The following PPP3CC variants were observed in gnomAD, a reference collection of about 807,000 sequenced individuals.
The protein encoded by PPP3CC is serine/threonine-protein phosphatase 2B catalytic subunit gamma isoform.
A neutral mutation model predicts 60.3 loss-of-function variants in PPP3CC; 35 were observed. That is an observed-to-expected ratio of 0.58 (90% CI 0.44 to 0.77). PPP3CC has a LOEUF of 0.77. Ranked by LOEUF, PPP3CC falls within the 30% of genes least tolerant of loss-of-function variation. PPP3CC has a pLI of 0.00. For missense variants in PPP3CC, 570 were observed against 628.9 expected (o/e 0.91, Z 1.00); for synonymous variants, 206 against 224.3 (o/e 0.92, Z 0.73).
chr8:22,458,561 G>C (rs1463662357), intron 1 of PPP3CC, among the ~76,000 whole-genome samples: 1 of 151,454 alleles, frequency 6.6e-6, no homozygotes, highest in Non-Finnish European at 1.5e-5. Context: ...TCATGCCACT[G>C]CATTCCAGCC....
chr8:22,530,683 T>G (rs186458562), intron 10 of PPP3CC, among the ~76,000 whole-genome samples: 1,828 of 151,320 alleles, frequency 0.012, 31 homozygotes, highest in African/African-American at 0.04. Context: ...ATACAAAAAT[T>G]AGCTGGGGTG....
intron 3 of PPP3CC, among the ~76,000 whole-genome samples, chr8:22,485,419 A>C (rs1453171550): frequency 6.6e-6 from 1 of 152,174 alleles, no homozygotes; most frequent in Non-Finnish European, 1.5e-5. Context: ...CCTTAATAGG[A>C]GATCCCTCAG....
intron 1 of PPP3CC, among the ~76,000 whole-genome samples, chr8:22,446,822 A>G (rs1213692936): frequency 3.3e-5 from 5 of 151,332 alleles, no homozygotes; most frequent in Admixed American, 6.6e-5. Flanking sequence ...AAAAAAAAAA[A>G]AAAAAAAAAA....
At chr8:22,451,925 G>A (rs920464161) in intron 1 of PPP3CC, among the ~76,000 whole-genome samples, 1 of 151,900 alleles carries the variant, frequency 6.6e-6, no homozygotes, top group African/African-American at 2.4e-5. Flanking sequence ...AAATTGAAAT[G>A]CTTCTGGTCC....
At chr8:22,498,536 TTTA>T (rs1382856173) in intron 4 of PPP3CC, among the ~76,000 whole-genome samples, 1 of 152,202 alleles carries the variant, frequency 6.6e-6, no homozygotes, top group African/African-American at 2.4e-5. Context: ...TCCATTCTTT[TTTA>T]TTATTATGAA....
At chr8:22,463,926 A>G (rs1837438726) in intron 1 of PPP3CC, among the ~76,000 whole-genome samples, 1 of 151,880 alleles carries the variant, frequency 6.6e-6, no homozygotes, top group South Asian at 2.1e-4. Flanking sequence ...AGCTGGGATT[A>G]CAGGTGTCCA....
intron 10 of PPP3CC, among the ~76,000 whole-genome samples, 173 bp downstream of exon 10, chr8:22,528,750 A>G (rs1316292720): frequency 6.6e-6 from 1 of 152,270 alleles, no homozygotes; most frequent in East Asian, 1.9e-4. Context: ...AAAGTCACCC[A>G]TAATCCCATC....
chr8:22,535,288 G>A (rs1839818446), intron 12 of PPP3CC, among the ~76,000 whole-genome samples: 2 of 152,098 alleles, frequency 1.3e-5, no homozygotes, highest in African/African-American at 2.4e-5. Flanking sequence ...CTGGAATCCC[G>A]GAATGAAAAG....
Position 22,513,370 on chromosome 8 carries a change from C to A in PPP3CC, c.708C>A (p.Gly236=). 6.2e-7 allele frequency: 1 copy of A among 1,613,922 alleles called. No individual in the cohort carries two copies. Among genetic ancestry groups the A allele is most frequent in the Non-Finnish European group, 8.5e-7 (1 of 1,179,904 alleles). The change falls in exon 6 of 14, where the codon GGC becomes GGA. Residue 236 remains glycine, a synonymous_variant. Transcript: ENST00000240139. ...LLWSDPSEDY[G]NEKTLEHYTH... The stretch of plus-strand genomic sequence containing the variant: ...GGTCTGATCCCTCAGAGGATTATGG[C>A]AATGAGAAGACCTTGGAGCACTATA...
At chr8:22,457,217 T>C (rs34649162) in intron 1 of PPP3CC, among the ~76,000 whole-genome samples, 78,657 of 150,362 alleles carry the variant, frequency 0.52, 21,080 homozygotes, top group East Asian at 0.69. Context: ...TTAGTATACC[T>C]TCTATTTATT....
intron 1 of PPP3CC, among the ~76,000 whole-genome samples, chr8:22,466,808 T>C (rs1381126361): frequency 6.6e-6 from 1 of 152,226 alleles, no homozygotes; most frequent in Non-Finnish European, 1.5e-5. Flanking sequence ...GGCTGACGAC[T>C]GTAGCTGACT....
intron 10 of PPP3CC, among the ~76,000 whole-genome samples, chr8:22,530,940 A>G (rs1382236235): frequency 6.6e-6 from 1 of 151,992 alleles, no homozygotes; most frequent in Non-Finnish European, 1.5e-5. Context: ...GAGATTTGTA[A>G]ACTGTTCTGT....
chr8:22,503,362 G>A (rs557798540), intron 4 of PPP3CC, among the ~76,000 whole-genome samples: 3 of 152,256 alleles, frequency 2.0e-5, no homozygotes, highest in Non-Finnish European at 2.9e-5. Flanking sequence ...ATGTGTATAA[G>A]TTAACAAATG....
chr8:22,456,320 A>T (rs970885726), intron 1 of PPP3CC, among the ~76,000 whole-genome samples: 1 of 152,212 alleles, frequency 6.6e-6, no homozygotes, highest in African/African-American at 2.4e-5. Flanking sequence ...TATGTAGTCA[A>T]TGTATATTGT....
At position 22,496,485 on chromosome 8, in the gene PPP3CC, C is replaced by CTTTTTTTTTTTTTTTTTTTTTTTTT. The variant is rs71206523; in HGVS notation, c.373-1510_373-1486dup. 9.4e-4 allele frequency among the ~76,000 whole-genome samples: 41 copies of CTTTTTTTTTTTTTTTTTTTTTTTTT among 43,582 alleles called. 15 individuals are homozygous for CTTTTTTTTTTTTTTTTTTTTTTTTT. The highest frequency in any genetic ancestry group is 1.3e-3 in the Non-Finnish European group (31 of 23,916). The allele number at this position is 43,582 out of a possible 152,430, so 28.6% of individuals were successfully genotyped here. A position where few individuals can be genotyped will look rare whatever the true frequency, so the allele number is the denominator to read the frequency against. On this transcript the variant is annotated intron_variant, in intron 3 of 13. Coordinates refer to ENST00000240139, the MANE Select transcript of PPP3CC (RefSeq NM_005605.5). ...AAGTTAAATTAGGGAGAACTGTAATCTTTTTTTTTTTTTTTTTTTTTTTTT... is the reference window on the plus strand; with the variant it reads ...AAGTTAAATTAGGGAGAACTGTAATCTTTTTTTTTTTTTTTTTTTTTTTTTTTTTTTTTTTTTTTTTTTTTTTTTT...
chr8:22,520,722 G>T (rs1367770607), intron 6 of PPP3CC, among the ~76,000 whole-genome samples: 2 of 151,890 alleles, frequency 1.3e-5, no homozygotes, highest in Admixed American at 1.3e-4. Flanking sequence ...TTGCTTTCCT[G>T]ATTTTGTTTA....
intron 3 of PPP3CC, among the ~76,000 whole-genome samples, chr8:22,477,027 A>G (rs1183019105): frequency 6.6e-6 from 1 of 152,188 alleles, no homozygotes; most frequent in Non-Finnish European, 1.5e-5. Flanking sequence ...TAAACTGACA[A>G]AATAGTAAAG....
intron 1 of PPP3CC, among the ~76,000 whole-genome samples, chr8:22,470,479 CATAA>C (rs1242148390): frequency 1.3e-5 from 2 of 152,084 alleles, no homozygotes; most frequent in African/African-American, 2.4e-5. Flanking sequence ...TATATATTTA[CATAA>C]ATAAAGATCA....
intron 8 of PPP3CC, among the ~76,000 whole-genome samples, chr8:22,524,195 T>C (rs1259880323): frequency 6.6e-6 from 1 of 152,208 alleles, no homozygotes; most frequent in East Asian, 1.9e-4. Context: ...GATAAAAAGG[T>C]CTGGTGTGTT....
Sources: allele counts gnomAD v4.1 joint callset (sites outside exome capture counted in the v4.1 genomes callset), GRCh38; gene constraint gnomAD v4.1.1; transcripts MANE v1.5; gene names NCBI Gene and HGNC (gene_info 2026-07-23, HGNC 2026-07-21).